The following BICC1 variants were observed in gnomAD, a reference collection of about 807,000 sequenced individuals.
The protein encoded by BICC1 is protein bicaudal C homolog 1.
BICC1 carries 43 observed loss-of-function variants against 111.0 expected under a neutral mutation model. The observed-to-expected ratio is 0.39, with a 90% CI of 0.30 to 0.50. BICC1 has a LOEUF of 0.50. Ranked by LOEUF, BICC1 falls within the 20% of genes least tolerant of loss-of-function variation. The pLI, the probability that BICC1 is intolerant of heterozygous loss-of-function variation, is 0.88. For synonymous variants in BICC1, 467 were observed against 434.4 expected (o/e 1.07, Z -0.93); for missense variants, 1,091 against 1,203.2 (o/e 0.91, Z 1.38).
chr10:58,634,421 A>G (rs1181798723), intron 2 of BICC1, among the ~76,000 whole-genome samples: 1 of 152,168 alleles, frequency 6.6e-6, no homozygotes, highest in African/African-American at 2.4e-5. Context: ...CCCCAGGTAC[A>G]GGTTTGTCTG....
chr10:58,803,210 C>G lies in BICC1; in HGVS notation c.2149C>G (p.Leu717Val), dbSNP rs751123454. The G allele has an allele frequency of 3.1e-6, 5 of 1,607,706 alleles. No individual in the cohort carries two copies. The highest frequency in any genetic ancestry group is 4.2e-6 in the Non-Finnish European group (5 of 1,176,968). ...AAQQNSERAH[L>V]APRSSYVNMQ... ...CCAGCAAAACTCCGAAAGGGCCCAC[C>G]TTGCTCCACGGTCATCATATGTCAA... is the stretch of plus-strand genomic sequence containing the variant. Residue 717 changes from leucine (L) to valine (V), a missense_variant, in exon 15 of 21, where the codon CTT becomes GTT. Leu to Val is a conservative substitution (Grantham distance 32). Around this residue, in one of 3 missense-constraint regions of BICC1, gnomAD observed 843 missense variants for 900.8 expected, o/e 0.94. Coordinates refer to ENST00000373886, the MANE Select transcript of BICC1 (RefSeq NM_001080512.3).
intron 1 of BICC1, among the ~76,000 whole-genome samples, chr10:58,558,850 G>A (rs879715162): frequency 6.6e-6 from 1 of 152,022 alleles, no homozygotes; most frequent in African/African-American, 2.4e-5. Flanking sequence ...TCACATAATG[G>A]AAAGGGCAAG....
intron 3 of BICC1, among the ~76,000 whole-genome samples, chr10:58,778,347 G>T (rs958268849): frequency 2.0e-5 from 3 of 152,040 alleles, no homozygotes; most frequent in Admixed American, 6.6e-5. Context: ...AAAAATACAC[G>T]CATAATTTTT....
chr10:58,803,168 G>A lies in BICC1; in HGVS notation c.2107G>A (p.Glu703Lys). The A allele has an allele frequency of 6.2e-7, 1 of 1,611,884 alleles. No homozygotes were observed. Among genetic ancestry groups the A allele is most frequent in the African/African-American group, 1.3e-5 (1 of 75,044 alleles). The part of the protein sequence containing the change: ...KKAPGSERAA[E>K]RAAAAQQNSE... ...GGCTCCAGGGAGTGAGCGCGCTGCA[G>A]AGAGGGCAGCAGCTGCCCAGCAAAA... The change falls in exon 15 of 21, where the codon GAG (glutamate) becomes AAG (lysine). Residue 703 changes from glutamate (E) to lysine (K), a missense_variant. Glu to Lys is a moderately conservative substitution (Grantham distance 56). Coordinates refer to ENST00000373886, the MANE Select transcript of BICC1 (RefSeq NM_001080512.3).
intron 2 of BICC1, among the ~76,000 whole-genome samples, chr10:58,692,678 G>A (rs567180868): frequency 9.2e-5 from 14 of 152,168 alleles, no homozygotes; most frequent in Admixed American, 1.3e-4. Context: ...ACAATAAGGC[G>A]AGAGCATCTT....
chr10:58,739,478 G>T (rs1482325911), intron 3 of BICC1, among the ~76,000 whole-genome samples: 1 of 152,112 alleles, frequency 6.6e-6, no homozygotes, highest in Non-Finnish European at 1.5e-5. Flanking sequence ...GCTGTATTCG[G>T]TTTGCCAGTA....
chr10:58,674,829 T>TAGTTATA (rs1415805918), intron 2 of BICC1, among the ~76,000 whole-genome samples: 1 of 152,146 alleles, frequency 6.6e-6, no homozygotes, highest in African/African-American at 2.4e-5. Context: ...GGACAGTGGC[T>TAGTTATA]AGTTATAAGT....
chr10:58,735,185 T>A (rs547829541), intron 3 of BICC1, among the ~76,000 whole-genome samples: 3 of 152,368 alleles, frequency 2.0e-5, no homozygotes, highest in Admixed American at 6.5e-5. Context: ...TGTGATAGAC[T>A]GTTCTTTTCA....
chr10:58,800,155 G>A, intron 12 of BICC1, 39 bp from the exon 13 acceptor site: 1 of 1,484,476 alleles, frequency 6.7e-7, no homozygotes, highest in Non-Finnish European at 9.2e-7. Context: ...CTGTAAAATT[G>A]TGACCATATT....
At chr10:58,740,601 GAAA>G (rs199759963) in intron 3 of BICC1, among the ~76,000 whole-genome samples, 1 of 151,732 alleles carries the variant, frequency 6.6e-6, no homozygotes, top group African/African-American at 2.4e-5. Flanking sequence ...TGGGTGAAAA[GAAA>G]AAAAACCTCT....
At position 58,648,206 on chromosome 10, in the gene BICC1, C is replaced by A. The variant is rs568831908; in HGVS notation, c.237+27305C>A. 1.0e-3 allele frequency among the ~76,000 whole-genome samples: 159 copies of A among 152,210 alleles called. 1 individual carries two copies. The highest frequency in any genetic ancestry group is 1.6e-3 in the Non-Finnish European group (110 of 68,048). On this transcript the variant is annotated intron_variant, in intron 2 of 20. Transcript: ENST00000373886. ...GACTGTCTCCTCCGGTAGAGCATGG[C>A]TGAAGCCGTCTGCTTTAGGAGGGTG...
intron 1 of BICC1, among the ~76,000 whole-genome samples, chr10:58,554,988 G>C (rs1843403598): frequency 6.6e-6 from 1 of 151,778 alleles, no homozygotes; most frequent in Non-Finnish European, 1.5e-5. Context: ...TAAAGTCTGA[G>C]CTTGTTATTT....
chr10:58,688,068 A>T (rs896211514), intron 2 of BICC1, among the ~76,000 whole-genome samples: 20 of 152,082 alleles, frequency 1.3e-4, no homozygotes, highest in African/African-American at 4.8e-4. Flanking sequence ...TGCCGACTTC[A>T]CGAGTGAAGC....
chr10:58,803,832 A>G (rs912733624), intron 15 of BICC1, among the ~76,000 whole-genome samples: 2 of 152,228 alleles, frequency 1.3e-5, no homozygotes, highest in African/African-American at 2.4e-5. Context: ...CTATTAGTCT[A>G]ATTACTCAGA....
chr10:58,643,454 T>C (rs1411821953), intron 2 of BICC1, among the ~76,000 whole-genome samples: 1 of 152,236 alleles, frequency 6.6e-6, no homozygotes, highest in Non-Finnish European at 1.5e-5. Flanking sequence ...ATCTTTTAGC[T>C]ACCTCTAAAT....
intron 1 of BICC1, among the ~76,000 whole-genome samples, chr10:58,568,812 A>G (rs1422682797): frequency 6.6e-6 from 1 of 152,150 alleles, no homozygotes; most frequent in Non-Finnish European, 1.5e-5. Flanking sequence ...CAAGAATCAC[A>G]TCTGAACACC....
chr10:58,762,198 G>A (rs921618875), intron 3 of BICC1, among the ~76,000 whole-genome samples: 2 of 152,050 alleles, frequency 1.3e-5, no homozygotes, highest in African/African-American at 4.8e-5. Context: ...CAATTTCAAG[G>A]GCAAGTAAGT....
At position 58,521,776 on chromosome 10, in the gene BICC1, T is replaced by G. The variant is rs1210147730; in HGVS notation, c.190+8443T>G. On this transcript the variant is annotated intron_variant, in intron 1 of 20. Transcript: ENST00000373886. ...CAGCCAGGGAATGTGGTGTTTTTTT[T>G]TTTTTTTTTTTTTTTTTTTTTTTTT... 2.0e-3 allele frequency among the ~76,000 whole-genome samples: 54 copies of G among 27,636 alleles called. 1 individual carries two copies. Among genetic ancestry groups the G allele is most frequent in the African/African-American group, 0.016 (50 of 3,050 alleles). 18.1% of individuals were successfully genotyped at this position (27,636 alleles called of 152,430 possible).
chr10:58,802,413 A>G (rs1445421769), intron 14 of BICC1, among the ~76,000 whole-genome samples: 1 of 152,190 alleles, frequency 6.6e-6, no homozygotes, highest in African/African-American at 2.4e-5. Flanking sequence ...TGATATTGCA[A>G]TCCCTATTTT....
Sources: gnomAD v4.1 joint callset for allele counts (sites outside exome capture counted in the v4.1 genomes callset) on GRCh38, gnomAD v4.1.1 for gene constraint, gnomAD v4.1.1 regional missense constraint, MANE v1.5 for transcripts, NCBI Gene and HGNC (gene_info 2026-07-23, HGNC 2026-07-21) for gene names.